The following PSD2 variants were observed in gnomAD, a reference collection of about 807,000 sequenced individuals.
PSD2 encodes the protein pleckstrin and Sec7 domain containing 2, also known as PH and SEC7 domain-containing protein 2.
A neutral mutation model predicts 69.8 loss-of-function variants in PSD2; 38 were observed. That is an observed-to-expected ratio of 0.54 (90% CI 0.42 to 0.71). The LOEUF is 0.71. Among genes scored for constraint, PSD2 ranks in the 30% least tolerant of loss-of-function variants. The probability of loss-of-function intolerance (pLI) is 0.00; values close to 1 mark genes in which losing one functional copy is unlikely to be tolerated. For missense variants in PSD2, 943 were observed against 1,014.5 expected (o/e 0.93, Z 0.96); for synonymous variants, 412 against 423.0 (o/e 0.97, Z 0.32).
chr5:139,842,355 C>G lies in PSD2; in HGVS notation c.2197C>G (p.Leu733Val). The change falls in exon 15 of 15, where the codon CTG (leucine) becomes GTG (valine). Residue 733 changes from leucine to valine, a missense_variant. Around this residue, in one of 3 missense-constraint regions of PSD2, gnomAD observed 165 missense variants for 168.8 expected, o/e 0.98. Coordinates refer to ENST00000274710, the MANE Select transcript of PSD2 (RefSeq NM_032289.4). ...SDDLERIEARLATLEGDDPSL... is the reference protein window; with the variant it reads ...SDDLERIEARVATLEGDDPSL... ...TGATCTGGAGCGGATTGAGGCCCGGCTGGCCACTCTGGAAGGGGATGACCC... is the reference window on the plus strand; with the variant it reads ...TGATCTGGAGCGGATTGAGGCCCGGGTGGCCACTCTGGAAGGGGATGACCC... The G allele has an allele frequency of 6.2e-7, 1 of 1,614,222 alleles. No homozygotes were observed. Among genetic ancestry groups the G allele is most frequent in the Non-Finnish European group, 8.5e-7 (1 of 1,180,042 alleles).
intron 2 of PSD2, among the ~76,000 whole-genome samples, chr5:139,812,162 C>T (rs993587641): frequency 7.2e-5 from 11 of 151,958 alleles, no homozygotes; most frequent in East Asian, 1.9e-4. Flanking sequence ...GTGGGGAGAC[C>T]GACGATAAAT....
At chr5:139,815,338 CCTT>C (rs1188564533) in intron 4 of PSD2, among the ~76,000 whole-genome samples, 1 of 151,984 alleles carries the variant, frequency 6.6e-6, no homozygotes, top group Non-Finnish European at 1.5e-5. Flanking sequence ...CTTTCAGGAG[CCTT>C]CTTTGTGGCC....
Position 139,841,771 on chromosome 5 carries a change from GTGCTTGTTGGCCGTTTGTA to G in PSD2, c.2113-494_2113-476del, listed in dbSNP as rs1280756551. On this transcript the variant is annotated intron_variant, in intron 14 of 14. Coordinates refer to ENST00000274710, the MANE Select transcript of PSD2 (RefSeq NM_032289.4). ...CTAATGATGTTGAGCATCTTTTCAT[GTGCTTGTTGGCCGTTTGTA>G]TGCTTTCTTTGGAGAAATGTAAATT... Among the ~76,000 whole-genome samples the G allele has an allele frequency of 7.9e-5, 12 of 152,314 alleles. No individual in the cohort carries two copies. In the South Asian group the frequency reaches 1.9e-3, roughly 24 times the overall value.
intron 5 of PSD2, among the ~76,000 whole-genome samples, chr5:139,819,881 C>T (rs1760213996): frequency 6.6e-6 from 1 of 152,178 alleles, no homozygotes. Flanking sequence ...GCCTTGTATG[C>T]CAGCCCAATG....
chr5:139,782,809 G>A, the PSD2 span, among the ~76,000 whole-genome samples: 1 of 152,052 alleles, frequency 6.6e-6, no homozygotes, highest in South Asian at 2.1e-4. Context: ...AGTTTTTGAA[G>A]GTCACTTGGC....
the PSD2 span, among the ~76,000 whole-genome samples, chr5:139,766,921 CTTCCTTCCCTT>C: frequency 0.034 from 1,043 of 31,134 alleles, 65 homozygotes; most frequent in Admixed American, 0.056. Context: ...TCCTTCCTTC[CTTCCTTCCCTT>C]CTTTCTTTCT....
chr5:139,770,242 A>C, the PSD2 span, among the ~76,000 whole-genome samples: 1 of 152,196 alleles, frequency 6.6e-6, no homozygotes. Flanking sequence ...AGATGCAAGA[A>C]GAAGGCAATT....
At chr5:139,792,831 TTCCTTTC>T (rs1759437938), upstream of PSD2, among the ~76,000 whole-genome samples, 1 of 150,112 alleles carries the variant, frequency 6.7e-6, no homozygotes, top group African/African-American at 2.5e-5. Flanking sequence ...CCTTCCTTCC[TTCCTTTC>T]TTTCTTTTTT....
intron 1 of PSD2, among the ~76,000 whole-genome samples, chr5:139,806,201 C>T (rs1759801935): frequency 6.6e-6 from 1 of 152,272 alleles, no homozygotes; most frequent in African/African-American, 2.4e-5. Context: ...CAATGCCAGC[C>T]TGTCATTTGC....
intron 2 of PSD2, among the ~76,000 whole-genome samples, chr5:139,811,567 T>C (rs1759961415): frequency 6.6e-6 from 1 of 152,152 alleles, no homozygotes; most frequent in African/African-American, 2.4e-5. Flanking sequence ...TTGCTGGCTC[T>C]ATCTTCCATC....
At chr5:139,830,120 A>C (rs1243513385) in intron 7 of PSD2, among the ~76,000 whole-genome samples, 1 of 150,644 alleles carries the variant, frequency 6.6e-6, no homozygotes, top group African/African-American at 2.4e-5. Context: ...TCTAATGATT[A>C]GTGATGTTGA....
upstream of PSD2, among the ~76,000 whole-genome samples, chr5:139,792,667 C>T (rs1759433756): frequency 6.6e-6 from 1 of 152,170 alleles, no homozygotes; most frequent in Non-Finnish European, 1.5e-5. Context: ...TCTATTCTGG[C>T]TCCTGGGTAG....
intron 8 of PSD2, 65 bp from the exon 9 acceptor site, chr5:139,835,655 TTGG>T (rs1226267398): frequency 9.5e-6 from 14 of 1,478,752 alleles, no homozygotes; most frequent in Admixed American, 1.7e-5. Flanking sequence ...ACCCATGTTA[TTGG>T]TGGTAGATGA....
intron 5 of PSD2, among the ~76,000 whole-genome samples, chr5:139,820,336 G>T (rs981610585): frequency 1.1e-4 from 17 of 148,564 alleles, no homozygotes; most frequent in Non-Finnish European, 2.1e-4. Context: ...AGAGGGAGGG[G>T]CCAGGCTGGG....
chr5:139,766,939 T>TTCTC, the PSD2 span, among the ~76,000 whole-genome samples: 166 of 97,100 alleles, frequency 1.7e-3, 9 homozygotes, highest in Non-Finnish European at 2.3e-3. Flanking sequence ...CCTTCTTTCT[T>TTCTC]TCTTTCTTTC....
chr5:139,808,015 G>A (rs1325343254), intron 1 of PSD2, among the ~76,000 whole-genome samples: 1 of 152,234 alleles, frequency 6.6e-6, no homozygotes, highest in Non-Finnish European at 1.5e-5. Flanking sequence ...TTATATCCCT[G>A]TTGTTGCCCC....
chr5:139,763,004 G>A, the PSD2 span, among the ~76,000 whole-genome samples: 3 of 152,102 alleles, frequency 2.0e-5, no homozygotes, highest in African/African-American at 2.4e-5. Context: ...CTCAGAGAGA[G>A]GACAGGGAGC....
rs1215401813 is a variant in PSD2, at chr5:139,809,639, G to T, written c.199G>T (p.Ala67Ser). 6.2e-7 allele frequency: 1 copy of T among 1,614,242 alleles called. No homozygotes were observed. The highest frequency in any genetic ancestry group is 1.1e-5 in the South Asian group (1 of 91,084). ...TEEPTKDPDVAFHGLSLGLSL... is the reference protein window; with the variant it reads ...TEEPTKDPDVSFHGLSLGLSL... ...GGAACCCACGAAGGACCCAGATGTGGCCTTCCATGGCCTCAGCCTTGGCCT... is the reference window on the plus strand; with the variant it reads ...GGAACCCACGAAGGACCCAGATGTGTCCTTCCATGGCCTCAGCCTTGGCCT... The change falls in exon 2 of 15, where the codon GCC (alanine) becomes TCC (serine). Residue 67 changes from alanine to serine, a missense_variant. By Grantham distance (99) the Ala-to-Ser change is moderately conservative. Around this residue, in one of 3 missense-constraint regions of PSD2, gnomAD observed 466 missense variants for 445.0 expected, o/e 1.05. Coordinates refer to ENST00000274710, the MANE Select transcript of PSD2 (RefSeq NM_032289.4).
chr5:139,785,568 C>T, the PSD2 span, among the ~76,000 whole-genome samples: 2 of 152,210 alleles, frequency 1.3e-5, no homozygotes, highest in Non-Finnish European at 2.9e-5. Flanking sequence ...ATGCTCGTCA[C>T]TGTCTATAAT....
Sources: allele counts gnomAD v4.1 joint callset (sites outside exome capture counted in the v4.1 genomes callset), GRCh38; gene constraint gnomAD v4.1.1; regional missense constraint gnomAD v4.1.1; transcripts MANE v1.5; gene names NCBI Gene and HGNC (gene_info 2026-07-23, HGNC 2026-07-21).